Variants in ERC2 observed in about 807,000 individuals in gnomAD.
ERC2 encodes the protein ELKS/RAB6-interacting/CAST family member 2.
In ERC2, 42 loss-of-function variants were observed where a neutral mutation model predicts 114.8. That is an observed-to-expected ratio of 0.37 (90% CI 0.29 to 0.47). ERC2 has a LOEUF of 0.47. ERC2 is among the 20% of genes least tolerant of loss of function. ERC2 has a pLI of 0.99. For missense variants in ERC2, 939 were observed against 1,150.7 expected (o/e 0.82, Z 2.66); for synonymous variants, 454 against 425.5 (o/e 1.07, Z -0.82).
chr3:56,188,011 G>A (rs993504328), intron 3 of ERC2, among the ~76,000 whole-genome samples: 1 of 152,160 alleles, frequency 6.6e-6, no homozygotes, highest in Non-Finnish European at 1.5e-5. Flanking sequence ...CGTGGTCAAG[G>A]CAGAGGGAAC....
At chr3:56,436,371 A>G (rs1029399699) in intron 1 of ERC2, among the ~76,000 whole-genome samples, 2 of 152,220 alleles carry the variant, frequency 1.3e-5, no homozygotes, top group African/African-American at 4.8e-5. Context: ...GCCTAGTACC[A>G]AATAGTCAAT....
chr3:56,441,290 C>T (rs2062294367), intron 1 of ERC2, among the ~76,000 whole-genome samples: 1 of 152,176 alleles, frequency 6.6e-6, no homozygotes, highest in East Asian at 1.9e-4. Context: ...CATGTTGGAG[C>T]TTCCAGCCCA....
At chr3:56,291,734 T>C (rs982697057) in intron 3 of ERC2, among the ~76,000 whole-genome samples, 10 of 151,990 alleles carry the variant, frequency 6.6e-5, no homozygotes, top group African/African-American at 2.4e-4. Flanking sequence ...GATTCATCTA[T>C]ATTAACAGAG....
intron 14 of ERC2, among the ~76,000 whole-genome samples, chr3:55,844,601 G>C (rs1393788193): frequency 6.6e-6 from 1 of 152,164 alleles, no homozygotes; most frequent in African/African-American, 2.4e-5. Context: ...TTTTAATCTA[G>C]ACATTAGTTA....
At chr3:56,418,285 G>T (rs1357995446) in intron 2 of ERC2, among the ~76,000 whole-genome samples, 1 of 137,982 alleles carries the variant, frequency 7.2e-6, no homozygotes, top group African/African-American at 2.8e-5. Flanking sequence ...GATGGAGCGA[G>T]ATCCTGTCTC....
chr3:56,126,581 AC>A (rs1358045122), intron 6 of ERC2, among the ~76,000 whole-genome samples: 4 of 151,998 alleles, frequency 2.6e-5, no homozygotes, highest in African/African-American at 4.8e-5. Flanking sequence ...ATACAGCAAG[AC>A]CTCATTTCTA....
At chr3:56,346,803 T>C (rs975163560) in intron 2 of ERC2, among the ~76,000 whole-genome samples, 43 of 152,250 alleles carry the variant, frequency 2.8e-4, no homozygotes, top group Middle Eastern at 3.4e-3. Context: ...GTCCAATATG[T>C]AGAGGCCAGT....
rs191053542 is a variant in ERC2 at position 56,258,465 on chromosome 3, G to A, written c.1074+37554C>T. Among the ~76,000 whole-genome samples, 151 of 152,242 alleles carry A rather than the reference G, an allele frequency of 9.9e-4. 1 individual carries two copies. In the East Asian group the frequency reaches 0.022, roughly 22 times the overall value. ...GAGGTCAGGAGATTGAGACCATCCTGTGAATGGTGAAACCCCGTCTCTACT... is the reference window on the plus strand; with the variant it reads ...GAGGTCAGGAGATTGAGACCATCCTATGAATGGTGAAACCCCGTCTCTACT... On this transcript the variant is annotated intron_variant, in intron 3 of 17. Transcript: ENST00000288221.
At chr3:55,955,376 GC>G (rs1444276879) in intron 12 of ERC2, among the ~76,000 whole-genome samples, 1 of 151,916 alleles carries the variant, frequency 6.6e-6, no homozygotes, top group Non-Finnish European at 1.5e-5. Flanking sequence ...ATAGAGCATT[GC>G]CATCACCCTG....
chr3:55,968,019 CACCACAAA>C, intron 12 of ERC2, among the ~76,000 whole-genome samples: 1 of 152,266 alleles, frequency 6.6e-6, no homozygotes, highest in East Asian at 1.9e-4. Context: ...GTATATATAG[CACCACAAA>C]ACAGATACTA....
chr3:56,016,964 C>A (rs114116731), intron 8 of ERC2, among the ~76,000 whole-genome samples: 2 of 152,260 alleles, frequency 1.3e-5, no homozygotes, highest in Non-Finnish European at 2.9e-5. Context: ...ACATCCCATG[C>A]ATGTGTGGAC....
At chr3:56,024,060 TTCTC>T (rs781020721) in intron 7 of ERC2, among the ~76,000 whole-genome samples, 1 of 152,342 alleles carries the variant, frequency 6.6e-6, no homozygotes, top group Admixed American at 6.5e-5. Flanking sequence ...AAAATTTATC[TTCTC>T]TCTAAGATTT....
chr3:55,562,889 G>A (rs568228084), intron 17 of ERC2, among the ~76,000 whole-genome samples: 9 of 152,232 alleles, frequency 5.9e-5, no homozygotes, highest in African/African-American at 1.9e-4. Flanking sequence ...ACTGACAGGT[G>A]TAAAATTTTA....
At chr3:56,423,725 TG>T (rs142249981) in intron 2 of ERC2, among the ~76,000 whole-genome samples, 1,963 of 152,278 alleles carry the variant, frequency 0.013, 25 homozygotes, top group South Asian at 0.039. Flanking sequence ...AGAATTCGGT[TG>T]TTAGACTGCC....
At chr3:56,308,447 T>G (rs1262864083) in intron 2 of ERC2, among the ~76,000 whole-genome samples, 1 of 152,216 alleles carries the variant, frequency 6.6e-6, no homozygotes, top group Non-Finnish European at 1.5e-5. Flanking sequence ...TGACTTCCAA[T>G]AGCTACTGGA....
At position 55,538,825 on chromosome 3, in the gene ERC2, G is replaced by C. The variant is rs375660106; in HGVS notation, c.*40-27549C>G. ...AAGAATTACTGTTTTGCTTTTAACC[G>C]CCTATTAATATTTTGTCCTACCAGC... On this transcript the variant is annotated intron_variant, in intron 17 of 17. Transcript: ENST00000288221. Among the ~76,000 whole-genome samples, 116 of 152,132 alleles carry C rather than the reference G, an allele frequency of 7.6e-4. No individual in the cohort carries two copies. The Middle Eastern group carries it at 0.017, about 22-fold the overall frequency.
intron 15 of ERC2, among the ~76,000 whole-genome samples, chr3:55,707,294 C>T (rs932527487): frequency 8.5e-5 from 13 of 152,068 alleles, no homozygotes; most frequent in African/African-American, 2.9e-4. Context: ...AAAAAATAAG[C>T]TAAGTGTGGT....
At chr3:55,545,881 C>G (rs752005914) in intron 17 of ERC2, among the ~76,000 whole-genome samples, 1 of 152,128 alleles carries the variant, frequency 6.6e-6, no homozygotes, top group Non-Finnish European at 1.5e-5. Flanking sequence ...ACCCAAGGGG[C>G]GGGGGAACTA....
intron 3 of ERC2, among the ~76,000 whole-genome samples, chr3:56,237,831 T>C (rs976334384): frequency 1.6e-4 from 24 of 151,978 alleles, no homozygotes; most frequent in Non-Finnish European, 3.2e-4. Context: ...AAACCTAAGA[T>C]GGGATGATAA....
Sources: gnomAD v4.1 joint callset for allele counts (sites outside exome capture counted in the v4.1 genomes callset) on GRCh38, gnomAD v4.1.1 for gene constraint, MANE v1.5 for transcripts, NCBI Gene and HGNC (gene_info 2026-07-23, HGNC 2026-07-21) for gene names.